The following CCDC178 variants were observed in gnomAD, a reference collection of about 807,000 sequenced individuals.
CCDC178 encodes the protein coiled-coil domain containing 178, also known as coiled-coil domain-containing protein 178.
CCDC178 carries 126 observed loss-of-function variants against 117.4 expected under a neutral mutation model. The ratio of observed to expected loss-of-function variants is 1.07; its 90% CI spans 0.93 to 1.24. CCDC178 has a LOEUF of 1.24. Ranked by LOEUF, CCDC178 falls within the 50% of genes most tolerant of loss-of-function variation. CCDC178 has a pLI of 0.00. For synonymous variants in CCDC178, 283 were observed against 313.4 expected (o/e 0.90, Z 1.02); for missense variants, 1,030 against 986.9 (o/e 1.04, Z -0.59).
chr18:33,404,613 A>T (rs1295825484), intron 3 of CCDC178, among the ~76,000 whole-genome samples: 1 of 152,126 alleles, frequency 6.6e-6, no homozygotes, highest in African/African-American at 2.4e-5. Context: ...CTAACTATAC[A>T]CCCAACAGGA....
At chr18:33,337,595 A>G (rs950736517) in intron 9 of CCDC178, among the ~76,000 whole-genome samples, 1 of 152,160 alleles carries the variant, frequency 6.6e-6, no homozygotes. Flanking sequence ...TAGAGAACCC[A>G]GAAATAAGCC....
chr18:33,033,050 C>T (rs1477986887), intron 21 of CCDC178, among the ~76,000 whole-genome samples: 1 of 152,096 alleles, frequency 6.6e-6, no homozygotes, highest in East Asian at 1.9e-4. Context: ...ACGTGAGACT[C>T]ACTTTAAATG....
intron 22 of CCDC178, among the ~76,000 whole-genome samples, chr18:32,973,161 T>TA (rs1205836851): frequency 6.6e-6 from 1 of 152,148 alleles, no homozygotes; most frequent in African/African-American, 2.4e-5. Context: ...AGGTATGAAT[T>TA]AGAGAATCAC....
At chr18:33,109,583 T>A (rs2057753767) in intron 20 of CCDC178, among the ~76,000 whole-genome samples, 1 of 151,522 alleles carries the variant, frequency 6.6e-6, no homozygotes, top group South Asian at 2.1e-4. Flanking sequence ...ATAACTAGCA[T>A]CTACATGAAA....
intron 7 of CCDC178, among the ~76,000 whole-genome samples, chr18:33,356,054 A>C (rs1364832028): frequency 6.6e-6 from 1 of 152,120 alleles, no homozygotes; most frequent in African/African-American, 2.4e-5. Context: ...TTTTTACTGG[A>C]TTCCAGATTT....
At chr18:33,359,469 T>C (rs1031395283) in intron 6 of CCDC178, among the ~76,000 whole-genome samples, 3 of 151,636 alleles carry the variant, frequency 2.0e-5, no homozygotes, top group African/African-American at 7.2e-5. Context: ...ATTCAGGATA[T>C]TGAAGTGGTT....
chr18:33,117,860 T>A (rs1242608014), intron 20 of CCDC178, among the ~76,000 whole-genome samples: 1 of 152,076 alleles, frequency 6.6e-6, no homozygotes, highest in Non-Finnish European at 1.5e-5. Context: ...TCAATCCTGA[T>A]CAATTGGGGT....
intron 18 of CCDC178, among the ~76,000 whole-genome samples, chr18:33,216,950 C>T (rs895034837): frequency 6.6e-6 from 1 of 152,026 alleles, no homozygotes; most frequent in South Asian, 2.1e-4. Flanking sequence ...TGCTCTCTAT[C>T]CCTAAACTTG....
rs1305275812 is a variant in CCDC178, at chr18:33,104,423, T to TA, written c.2239-11514_2239-11513insT. 3.3e-5 allele frequency among the ~76,000 whole-genome samples: 5 copies of TA among 151,856 alleles called. No individual in the cohort carries two copies. In the East Asian group the frequency reaches 7.8e-4, roughly 24 times the overall value. On this transcript the variant is annotated intron_variant, in intron 20 of 22. Coordinates refer to ENST00000383096, the MANE Select transcript of CCDC178 (RefSeq NM_001105528.4). ...TGCCTTCTTTTTATCTCATCTATGT[T>TA]TTTCTTCAACTTCTATTTATTTTTC...
intron 12 of CCDC178, among the ~76,000 whole-genome samples, chr18:33,269,759 A>G (rs1021370683): frequency 2.6e-5 from 4 of 151,848 alleles, no homozygotes; most frequent in Admixed American, 6.6e-5. Flanking sequence ...AACAGGAACA[A>G]ATCCTGAGGA....
chr18:33,210,146 C>T (rs2059090411), intron 20 of CCDC178, among the ~76,000 whole-genome samples: 1 of 152,020 alleles, frequency 6.6e-6, no homozygotes, highest in Non-Finnish European at 1.5e-5. Flanking sequence ...TTATTGCGTA[C>T]TTCTGGCCAG....
intron 21 of CCDC178, among the ~76,000 whole-genome samples, chr18:33,030,064 G>A (rs998746394): frequency 6.6e-6 from 1 of 151,900 alleles, no homozygotes; most frequent in African/African-American, 2.4e-5. Flanking sequence ...GTTGCAAGTA[G>A]AGCACTGAAA....
intron 20 of CCDC178, among the ~76,000 whole-genome samples, chr18:33,105,065 T>A (rs763783100): frequency 5.9e-5 from 9 of 151,710 alleles, no homozygotes; most frequent in Non-Finnish European, 1.2e-4. Context: ...AGCTGAAATC[T>A]CCTTAGGAGG....
chr18:33,158,665 C>A (rs1189491589), intron 20 of CCDC178, among the ~76,000 whole-genome samples: 1 of 151,840 alleles, frequency 6.6e-6, no homozygotes, highest in East Asian at 1.9e-4. Flanking sequence ...TCATCTAATC[C>A]AAATTCTTTA....
chr18:32,989,938 A>G (rs571352078), intron 21 of CCDC178, among the ~76,000 whole-genome samples: 1 of 152,306 alleles, frequency 6.6e-6, no homozygotes, highest in South Asian at 2.1e-4. Flanking sequence ...CTTTTGACAA[A>G]GGCTGCATGT....
At chr18:33,288,672 A>G (rs1411078157) in intron 12 of CCDC178, among the ~76,000 whole-genome samples, 1 of 152,008 alleles carries the variant, frequency 6.6e-6, no homozygotes, top group Non-Finnish European at 1.5e-5. Context: ...ATAGGGGTAA[A>G]CGCAGAGTGT....
intron 20 of CCDC178, among the ~76,000 whole-genome samples, chr18:33,127,589 C>A (rs1055625317): frequency 2.0e-5 from 3 of 152,194 alleles, no homozygotes; most frequent in Admixed American, 2.0e-4. Context: ...GTACCTGCCA[C>A]CGCGCCTGGC....
intron 11 of CCDC178, among the ~76,000 whole-genome samples, chr18:33,311,325 T>A (rs2062339112): frequency 6.6e-6 from 1 of 152,218 alleles, no homozygotes; most frequent in South Asian, 2.1e-4. Context: ...AATTTAGAGC[T>A]AGACACTCTC....
chr18:33,159,986 A>G (rs1234615273), intron 20 of CCDC178, among the ~76,000 whole-genome samples: 1 of 152,160 alleles, frequency 6.6e-6, no homozygotes. Context: ...TGGTTATATT[A>G]CAAAAACTGC....
Sources: allele counts gnomAD v4.1 joint callset (sites outside exome capture counted in the v4.1 genomes callset), GRCh38; gene constraint gnomAD v4.1.1; transcripts MANE v1.5; gene names NCBI Gene and HGNC (gene_info 2026-07-23, HGNC 2026-07-21).